Variants in NRXN1 observed in about 807,000 individuals in gnomAD.
NRXN1 encodes the protein neurexin-1.
Under a neutral mutation model 150.9 loss-of-function variants are expected in NRXN1, and 39 were observed. The observed-to-expected ratio is 0.26, with a 90% CI of 0.20 to 0.34. The LOEUF is 0.34. Ranked by LOEUF, NRXN1 falls within the 10% of genes least tolerant of loss-of-function variation. The probability of loss-of-function intolerance (pLI) is 1.00; values close to 1 mark genes in which losing one functional copy is unlikely to be tolerated. For synonymous variants in NRXN1, 924 were observed against 757.0 expected, an observed-to-expected ratio of 1.22 and a Z score of -3.62; for missense variants, 1,815 against 1,949.9, an observed-to-expected ratio of 0.93 and a Z score of 1.30.
chr2:50,194,677 TTTTA>T (rs1219121948), intron 18 of NRXN1, among the ~76,000 whole-genome samples: 5 of 152,168 alleles, frequency 3.3e-5, no homozygotes, highest in Non-Finnish European at 7.3e-5. Context: ...ACTCTCTGGG[TTTTA>T]TTTAATTCCT....
chr2:50,738,764 A>T (rs1184209150), intron 5 of NRXN1, among the ~76,000 whole-genome samples: 1 of 152,182 alleles, frequency 6.6e-6, no homozygotes, highest in Non-Finnish European at 1.5e-5. Context: ...AAGAACAAAC[A>T]ATCAAATGTA....
In NRXN1 at chr2:50,313,009, T is replaced by C. The variant is rs11688008; in HGVS notation, c.3365-76039A>G. 6.4e-3 allele frequency among the ~76,000 whole-genome samples: 970 copies of C among 151,938 alleles called. 2 individuals carry two copies. The highest frequency in any genetic ancestry group is 0.01 in the Non-Finnish European group (688 of 67,956). ...TGGCTGTAGACACTAATAATATATA[T>C]CAAGAAATAAGTTAAAGTATATAAC... is the stretch of plus-strand genomic sequence containing the variant. On this transcript the variant is annotated intron_variant, in intron 17 of 22. Coordinates refer to ENST00000401669, the MANE Select transcript of NRXN1 (RefSeq NM_001330078.2).
intron 2 of NRXN1, among the ~76,000 whole-genome samples, chr2:50,990,642 A>T (rs1698405946): frequency 6.6e-6 from 1 of 151,992 alleles, no homozygotes; most frequent in African/African-American, 2.4e-5. Flanking sequence ...CATTCTTAAT[A>T]CTTTTCCAGT....
intron 2 of NRXN1, among the ~76,000 whole-genome samples, chr2:50,968,319 A>G (rs977171546): frequency 6.6e-6 from 1 of 152,122 alleles, no homozygotes; most frequent in Admixed American, 6.6e-5. Context: ...GTATATTTGT[A>G]TTCATCTTTT....
chr2:50,585,788 C>T (rs1281257761), intron 8 of NRXN1, among the ~76,000 whole-genome samples: 19 of 152,134 alleles, frequency 1.2e-4, no homozygotes, highest in Admixed American at 1.2e-3. Flanking sequence ...GCAGTGTACT[C>T]ATTCAGATGA....
intron 5 of NRXN1, among the ~76,000 whole-genome samples, chr2:50,655,532 A>G (rs1391913579): frequency 1.3e-5 from 2 of 151,986 alleles, no homozygotes; most frequent in African/African-American, 4.8e-5. Context: ...AGTGAACCGA[A>G]AGTTTTTGTT....
chr2:50,867,052 T>C lies in NRXN1; in HGVS notation c.832+54817A>G, dbSNP rs185267245. Among the ~76,000 whole-genome samples the C allele has an allele frequency of 2.8e-3, 423 of 152,054 alleles. 1 individual carries two copies. Among genetic ancestry groups the C allele is most frequent in the Non-Finnish European group, 4.0e-3 (273 of 67,914 alleles). ...TCATTTCAGTGCTAAAAGTTACTTA[T>C]ATAGTTTTCTAAGGAAGTTCACCAT... On this transcript the variant is annotated intron_variant, in intron 5 of 22. Coordinates refer to ENST00000401669, the MANE Select transcript of NRXN1 (RefSeq NM_001330078.2).
At chr2:50,657,644 A>G (rs1025067308) in intron 5 of NRXN1, among the ~76,000 whole-genome samples, 1 of 152,056 alleles carries the variant, frequency 6.6e-6, no homozygotes, top group African/African-American at 2.4e-5. Flanking sequence ...CTTGCTTCTC[A>G]TTAACTAAGG....
intron 15 of NRXN1, among the ~76,000 whole-genome samples, chr2:50,487,472 T>C (rs2090956059): frequency 6.6e-6 from 1 of 152,164 alleles, no homozygotes; most frequent in Non-Finnish European, 1.5e-5. Flanking sequence ...GGAAGTACCC[T>C]CTAGTGCATG....
chr2:50,906,178 A>T (rs1259025151), intron 5 of NRXN1, among the ~76,000 whole-genome samples: 1 of 152,158 alleles, frequency 6.6e-6, no homozygotes, highest in African/African-American at 2.4e-5. Context: ...AAGTAGATTA[A>T]TATCATATTT....
intron 5 of NRXN1, among the ~76,000 whole-genome samples, chr2:50,892,473 A>G (rs1237398610): frequency 6.6e-6 from 1 of 152,134 alleles, no homozygotes; most frequent in Admixed American, 6.6e-5. Context: ...TTCAAAAAAT[A>G]ATATACACTG....
At chr2:50,553,256 G>A (rs541707312) in intron 8 of NRXN1, among the ~76,000 whole-genome samples, 51 of 152,228 alleles carry the variant, frequency 3.4e-4, no homozygotes, top group Non-Finnish European at 4.7e-4. Flanking sequence ...ATGCACCCGC[G>A]CATGTGCATA....
In NRXN1 at chr2:50,423,701, G is replaced by A. The variant is rs541081273; in HGVS notation, c.3364+41741C>T. 1.2e-4 allele frequency among the ~76,000 whole-genome samples: 18 copies of A among 152,112 alleles called. No homozygotes were observed. The South Asian group carries it at 3.8e-3, about 32-fold the overall frequency. ...CAAGAGCTTCCATTCCTGTGTTGGAGGTTATAATGGTGATGGAGAGACACA... is the reference window on the plus strand; with the variant it reads ...CAAGAGCTTCCATTCCTGTGTTGGAAGTTATAATGGTGATGGAGAGACACA... On this transcript the variant is annotated intron_variant, in intron 17 of 22. Transcript: ENST00000401669.
At chr2:50,053,199 C>CA in intron 21 of NRXN1, 72 bp downstream of exon 21, 1 of 1,479,070 alleles carries the variant, frequency 6.8e-7, no homozygotes, top group Non-Finnish European at 9.4e-7. Context: ...TTAGAAAAGA[C>CA]GCATATGCAG....
chr2:50,775,557 C>T (rs904617082), intron 5 of NRXN1, among the ~76,000 whole-genome samples: 1 of 152,078 alleles, frequency 6.6e-6, no homozygotes. Context: ...TATGACTTTG[C>T]AGATAACAAA....
At chr2:50,672,651 A>T (rs1689022319) in intron 5 of NRXN1, among the ~76,000 whole-genome samples, 2 of 151,840 alleles carry the variant, frequency 1.3e-5, no homozygotes, top group African/African-American at 2.4e-5. Flanking sequence ...AGCAAGGTTT[A>T]AAAAAAAGAG....
At chr2:50,057,635 A>T (rs1276283226) in intron 19 of NRXN1, among the ~76,000 whole-genome samples, 1 of 152,188 alleles carries the variant, frequency 6.6e-6, no homozygotes, top group Admixed American at 6.6e-5. Flanking sequence ...CACAATATCT[A>T]TCACATACAA....
intron 17 of NRXN1, among the ~76,000 whole-genome samples, chr2:50,240,393 T>A (rs1043007031): frequency 6.6e-6 from 1 of 151,768 alleles, no homozygotes; most frequent in Non-Finnish European, 1.5e-5. Context: ...CTTCCTCAGC[T>A]CTCTTCTACA....
intron 17 of NRXN1, among the ~76,000 whole-genome samples, chr2:50,266,003 T>TTTA (rs1553343559): frequency 9.4e-3 from 255 of 27,184 alleles, no homozygotes; most frequent in Middle Eastern, 0.065. Context: ...TTATTATTTA[T>TTTA]TTTTTTTTTT....
Sources: allele counts gnomAD v4.1 joint callset (sites outside exome capture counted in the v4.1 genomes callset), GRCh38; gene constraint gnomAD v4.1.1; transcripts MANE v1.5; gene names NCBI Gene and HGNC (gene_info 2026-07-23, HGNC 2026-07-21).